FBXO38: variants seen among roughly 807,000 people sequenced by gnomAD.
FBXO38 encodes the protein F-box protein 38, also known as F-box only protein 38.
In FBXO38, 53 loss-of-function variants were observed where a neutral mutation model predicts 131.9. The ratio of observed to expected loss-of-function variants is 0.40; its 90% confidence interval spans 0.32 to 0.51. The LOEUF (loss-of-function observed/expected upper bound fraction) is 0.51. Ranked by LOEUF, FBXO38 falls within the 20% of genes least tolerant of loss-of-function variation. FBXO38 has a pLI of 0.53. For synonymous variants in FBXO38, 452 were observed against 505.6 expected (o/e 0.89, Z 1.42); for missense variants, 1,076 against 1,475.6 (o/e 0.73, Z 4.44).
chr5:148,418,971 T>C (rs1182112292), intron 12 of FBXO38, among the ~76,000 whole-genome samples: 2 of 152,222 alleles, frequency 1.3e-5, no homozygotes, highest in African/African-American at 4.8e-5. Context: ...TTTCAGAAGA[T>C]GAGAGATTTG....
intron 9 of FBXO38, among the ~76,000 whole-genome samples, chr5:148,412,538 G>A (rs1235475221): frequency 6.6e-6 from 1 of 152,064 alleles, no homozygotes; most frequent in Non-Finnish European, 1.5e-5. Flanking sequence ...TTGTTCATGT[G>A]GATTTATGAT....
At chr5:148,388,539 C>G (rs547115238) in intron 1 of FBXO38, among the ~76,000 whole-genome samples, 1 of 152,340 alleles carries the variant, frequency 6.6e-6, no homozygotes, top group East Asian at 1.9e-4. Flanking sequence ...TAACTTGTTG[C>G]AGCTTCTCCA....
chr5:148,416,942 G>A, intron 11 of FBXO38, 52 bp from the exon 12 acceptor site: 1 of 1,034,466 alleles, frequency 9.7e-7, no homozygotes, highest in Non-Finnish European at 1.5e-6. Context: ...AAAAATGAAG[G>A]GATATATACT....
chr5:148,433,451 C>T lies in FBXO38; in HGVS notation c.2681C>T (p.Ala894Val). ...SEVAKTKPRHAMKRKRTADKS... is the reference protein window; with the variant it reads ...SEVAKTKPRHVMKRKRTADKS... The stretch of plus-strand genomic sequence containing the variant: ...GTAGCCAAAACAAAGCCACGTCACG[C>T]CATGAAACGGAAGCGGACAGCAGAT... Residue 894 changes from alanine (A) to valine (V), a missense_variant, in exon 16 of 22, where the codon GCC becomes GTC. Coordinates refer to ENST00000340253, the MANE Select transcript of FBXO38 (RefSeq NM_205836.3). 2 of 1,613,604 alleles carry T rather than the reference C, an allele frequency of 1.2e-6. No homozygotes were observed. Among genetic ancestry groups the T allele is most frequent in the Non-Finnish European group, 1.7e-6 (2 of 1,179,822 alleles).
At chr5:148,427,037 CT>C in intron 14 of FBXO38, among the ~76,000 whole-genome samples, 175 bp from the exon 15 acceptor site, 1 of 152,254 alleles carries the variant, frequency 6.6e-6, no homozygotes, top group Admixed American at 6.5e-5. Flanking sequence ...CAGATAGACA[CT>C]AGGGAGCCAT....
Position 148,414,179 on chromosome 5 carries a change from T to C in FBXO38, c.1137T>C (p.Asp379=). Residue 379 remains aspartate, a synonymous_variant, in exon 10 of 22, where the codon GAT becomes GAC. Transcript: ENST00000340253. ...ATCTGGTGAAGTATGGTTTGGCTGA[T>C]GTGGTAGAAAATCCTGGTATCATCA... ...NADLVKYGLA[D]VVENPGIITD... 2 of 1,612,406 alleles carry C rather than the reference T, an allele frequency of 1.2e-6. No individual in the cohort carries two copies. Among genetic ancestry groups the C allele is most frequent in the Non-Finnish European group, 8.5e-7 (1 of 1,179,394 alleles).
Position 148,394,747 on chromosome 5 carries a change from T to C in FBXO38, c.-30T>C. On this transcript the variant is annotated 5_prime_UTR_variant, in exon 2 of 22. Coordinates refer to ENST00000340253, the MANE Select transcript of FBXO38 (RefSeq NM_205836.3). ...AACTCAAGTAAACAAAAGGGAAGAT[T>C]TTCTCGTTGATACTGGAGACTGCAC... is the stretch of plus-strand genomic sequence containing the variant. 6.8e-7 allele frequency: 1 copy of C among 1,480,756 alleles called. No homozygotes were observed. The highest frequency in any genetic ancestry group is 9.0e-7 in the Non-Finnish European group (1 of 1,113,782). 91.7% of individuals were successfully genotyped at this position (1,480,756 alleles called of 1,614,324 possible).
At position 148,425,681 on chromosome 5, in the gene FBXO38, T is replaced by G; in HGVS notation, c.1898T>G (p.Val633Gly). 6.2e-7 allele frequency: 1 copy of G among 1,613,826 alleles called. No individual in the cohort carries two copies. Reference sequence around the variant, plus strand: ...CGTGAAGAAAAAACTGGAGAGTCAGTGCAGTCCAGAGAATTGTCAGGTGAG... The same window carrying G: ...CGTGAAGAAAAAACTGGAGAGTCAGGGCAGTCCAGAGAATTGTCAGGTGAG... ...SEREEKTGES[V>G]QSRELSVSGK... is the part of the protein sequence containing the mutation. Residue 633 changes from valine (V) to glycine (G), a missense_variant, in exon 14 of 22, where the codon GTG becomes GGG. Transcript: ENST00000340253.
chr5:148,403,648 T>G (rs1007550724), intron 5 of FBXO38, among the ~76,000 whole-genome samples: 2 of 152,196 alleles, frequency 1.3e-5, no homozygotes, highest in Admixed American at 1.3e-4. Context: ...GTGTGCATAG[T>G]TCAAACTAAA....
At chr5:148,396,762 C>T (rs922980736) in intron 2 of FBXO38, among the ~76,000 whole-genome samples, 10 of 152,074 alleles carry the variant, frequency 6.6e-5, no homozygotes, top group African/African-American at 2.4e-4. Context: ...CACACCACTG[C>T]GCTTGGCTAA....
At chr5:148,408,801 C>G (rs1752578937) in intron 7 of FBXO38, among the ~76,000 whole-genome samples, 1 of 152,166 alleles carries the variant, frequency 6.6e-6, no homozygotes, top group African/African-American at 2.4e-5. Context: ...CGAAATTTGG[C>G]CAGAAATGGC....
At chr5:148,441,897 C>G in intron 21 of FBXO38, 72 bp from the exon 22 acceptor site, 1 of 1,351,086 alleles carries the variant, frequency 7.4e-7, no homozygotes, top group Non-Finnish European at 1.0e-6. Flanking sequence ...GTCCTATGGA[C>G]CAGCTTATCA....
At chr5:148,411,512 T>C (rs1057366634) in intron 9 of FBXO38, among the ~76,000 whole-genome samples, 1 of 152,222 alleles carries the variant, frequency 6.6e-6, no homozygotes, top group Non-Finnish European at 1.5e-5. Flanking sequence ...TCTTTGGATC[T>C]AGTTTGTATT....
In FBXO38 at chr5:148,442,005, C is replaced by G; in HGVS notation, c.3425C>G (p.Ser1142Cys). The change falls in exon 22 of 22, where the codon TCT (serine) becomes TGT (cysteine). Residue 1142 changes from serine (S) to cysteine (C), a missense_variant. Transcript: ENST00000340253. Reference protein sequence around the residue: ...IYAPRRKGQLSADICMETIGE... With the variant: ...IYAPRRKGQLCADICMETIGE... ...GCTCCTAGAAGGAAAGGACAGCTGTCTGCAGACATCTGTATGGAAACAATA... is the reference window on the plus strand; with the variant it reads ...GCTCCTAGAAGGAAAGGACAGCTGTGTGCAGACATCTGTATGGAAACAATA... The G allele has an allele frequency of 6.2e-7, 1 of 1,614,028 alleles. No homozygotes were observed. Among genetic ancestry groups the G allele is most frequent in the South Asian group, 1.1e-5 (1 of 91,066 alleles).
rs1452719922 is a variant in FBXO38 at position 148,388,829 on chromosome 5, A to AT, written c.-64+4794dup. ...CATTTGTTTATTCACTGGAGTAACA[A>AT]TTTTCTCAAGAACTTTTTATTTGTG... On this transcript the variant is annotated intron_variant, in intron 1 of 21. Transcript: ENST00000340253. Among the ~76,000 whole-genome samples the AT allele has an allele frequency of 1.1e-4, 17 of 152,226 alleles. No individual in the cohort carries two copies. The East Asian group carries it at 3.1e-3, about 28-fold the overall frequency.
Position 148,433,641 on chromosome 5 carries a change from G to T in FBXO38, c.2761G>T (p.Val921Leu), listed in dbSNP as rs752084209. ...CTAATTTTTCTGCTTGTAGGTTCTTGTATTAAAATCCAAGAATCTTGTTGG... is the reference window on the plus strand; with the variant it reads ...CTAATTTTTCTGCTTGTAGGTTCTTTTATTAAAATCCAAGAATCTTGTTGG... ...VIEDDHVQVL[V>L]LKSKNLVGVT... is the part of the protein sequence containing the mutation. The change falls in exon 17 of 22, where the codon GTA (valine) becomes TTA (leucine). Residue 921 changes from valine (V) to leucine (L), a missense_variant. Val to Leu is a conservative substitution (Grantham distance 32). Coordinates refer to ENST00000340253, the MANE Select transcript of FBXO38 (RefSeq NM_205836.3). 24 of 1,598,260 alleles carry T rather than the reference G, an allele frequency of 1.5e-5. No individual in the cohort carries two copies. Among genetic ancestry groups the T allele is most frequent in the Non-Finnish European group, 2.0e-5 (24 of 1,173,566 alleles).
intron 1 of FBXO38, among the ~76,000 whole-genome samples, chr5:148,387,747 A>G (rs1168832527): frequency 2.1e-5 from 3 of 139,878 alleles, no homozygotes; most frequent in African/African-American, 5.5e-5. Flanking sequence ...GCTCGAGTGC[A>G]GTCGTACGAT....
At chr5:148,426,894 G>A (rs1347938556) in intron 14 of FBXO38, among the ~76,000 whole-genome samples, 1 of 152,162 alleles carries the variant, frequency 6.6e-6, no homozygotes. Context: ...AAGCCCCTGA[G>A]GTAGTAAAGC....
At chr5:148,388,924 CCTCA>C (rs571211265) in intron 1 of FBXO38, among the ~76,000 whole-genome samples, 2 of 152,242 alleles carry the variant, frequency 1.3e-5, no homozygotes, top group South Asian at 4.1e-4. Flanking sequence ...AACATGACTT[CCTCA>C]CTAAGGTTAG....
Sources: gnomAD v4.1 joint callset for allele counts (sites outside exome capture counted in the v4.1 genomes callset) on GRCh38, gnomAD v4.1.1 for gene constraint, MANE v1.5 for transcripts, NCBI Gene and HGNC (gene_info 2026-07-23, HGNC 2026-07-21) for gene names.